The following ZDHHC15 variants were observed in gnomAD, a reference collection of about 807,000 sequenced individuals.
The protein encoded by ZDHHC15 is zDHHC palmitoyltransferase 15.
Under a neutral mutation model 31.7 loss-of-function variants are expected in ZDHHC15, and 19 were observed. The ratio of observed to expected loss-of-function variants is 0.60; its 90% CI spans 0.42 to 0.88. The LOEUF (loss-of-function observed/expected upper bound fraction) is 0.88, where lower values mean the gene tolerates loss of function less well. Ranked by LOEUF, ZDHHC15 falls within the 40% of genes least tolerant of loss-of-function variation. The probability of loss-of-function intolerance (pLI) is 0.00; values close to 1 mark genes in which losing one functional copy is unlikely to be tolerated. For synonymous variants in ZDHHC15, 103 were observed against 90.0 expected, an observed-to-expected ratio of 1.14 and a Z score of -0.82; for missense variants, 209 against 251.2, an observed-to-expected ratio of 0.83 and a Z score of 1.14.
intron 3 of ZDHHC15, among the ~76,000 whole-genome samples, chrX:75,458,699 T>C (rs2084263154): frequency 9.1e-6 from 1 of 109,899 alleles, no homozygotes; most frequent in African/African-American, 3.3e-5. Flanking sequence ...TGGTGTACCA[T>C]AGGCAATTAA....
At position 75,489,278 on chromosome X, in the gene ZDHHC15, C is replaced by T. The variant is rs189337484; in HGVS notation, c.164-10293G>A. 5.0e-3 allele frequency among the ~76,000 whole-genome samples: 559 copies of T among 112,055 alleles called. 4 individuals are homozygous for T. Among genetic ancestry groups the T allele is most frequent in the Middle Eastern group, 0.014 (3 of 217 alleles). ...CAGCACGCAGATGGAGATCTGAGAA[C>T]GGACAGACTGCCTCCTCAAGTGGGT... On this transcript the variant is annotated intron_variant, in intron 2 of 11. Coordinates refer to ENST00000373367, the MANE Select transcript of ZDHHC15 (RefSeq NM_144969.3).
At chrX:75,459,124 G>A (rs1396743025) in intron 3 of ZDHHC15, among the ~76,000 whole-genome samples, 1 of 109,265 alleles carries the variant, frequency 9.2e-6, no homozygotes, top group East Asian at 2.9e-4. Flanking sequence ...GTGATCCCAT[G>A]CCACCAGGGC....
intron 3 of ZDHHC15, among the ~76,000 whole-genome samples, chrX:75,463,979 C>A (rs184758715): frequency 9.0e-6 from 1 of 111,636 alleles, no homozygotes; most frequent in African/African-American, 3.3e-5. Context: ...TAAAGACACA[C>A]GCACGCGTAT....
chrX:75,414,577 C>T (rs1306338100), intron 10 of ZDHHC15, among the ~76,000 whole-genome samples: 5 of 96,941 alleles, frequency 5.2e-5, no homozygotes, highest in African/African-American at 1.9e-4. Context: ...CTACAGGTGC[C>T]CGCAACCACG....
intron 2 of ZDHHC15, among the ~76,000 whole-genome samples, chrX:75,492,445 C>T (rs2084914380): frequency 9.0e-6 from 1 of 111,478 alleles, no homozygotes; most frequent in African/African-American, 3.3e-5. Flanking sequence ...TAGACATCTA[C>T]AGAACTCTCC....
chrX:75,427,739 T>C (rs1236160795), intron 7 of ZDHHC15, among the ~76,000 whole-genome samples: 1 of 111,659 alleles, frequency 9.0e-6, no homozygotes, highest in African/African-American at 3.2e-5. Context: ...ATGAAGCATT[T>C]TATATTTGTA....
intron 3 of ZDHHC15, among the ~76,000 whole-genome samples, chrX:75,453,790 C>T (rs2084167233): frequency 9.0e-6 from 1 of 111,552 alleles, no homozygotes; most frequent in East Asian, 2.8e-4. Flanking sequence ...ACAAAAACCA[C>T]ATGATTATCT....
intron 3 of ZDHHC15, among the ~76,000 whole-genome samples, chrX:75,455,016 A>C (rs1160675923): frequency 9.0e-6 from 1 of 111,388 alleles, no homozygotes; most frequent in Admixed American, 9.6e-5. Context: ...GGAAAAAACT[A>C]CTTTAAAGTT....
chrX:75,435,287 A>T lies in ZDHHC15; in HGVS notation c.380-3767T>A, dbSNP rs1417357097. Among the ~76,000 whole-genome samples the T allele has an allele frequency of 2.7e-5, 3 of 111,694 alleles. No homozygotes were observed. In the East Asian group the frequency reaches 8.4e-4, roughly 31 times the overall value. On this transcript the variant is annotated intron_variant, in intron 4 of 11. Transcript: ENST00000373367. ...AGGTATATGATCACATTATCAGCAAACAGTGACTGTTTGACTTCCTCTTTA... is the reference window on the plus strand; with the variant it reads ...AGGTATATGATCACATTATCAGCAATCAGTGACTGTTTGACTTCCTCTTTA...
chrX:75,485,785 C>T (rs771463426), intron 2 of ZDHHC15, among the ~76,000 whole-genome samples: 2 of 112,604 alleles, frequency 1.8e-5, no homozygotes, highest in Admixed American at 9.4e-5. Flanking sequence ...ATCCGTAACT[C>T]TGTAGTGACT....
At chrX:75,458,020 A>C (rs770117844) in intron 3 of ZDHHC15, among the ~76,000 whole-genome samples, 3 of 111,479 alleles carry the variant, frequency 2.7e-5, no homozygotes, top group Non-Finnish European at 3.8e-5. Flanking sequence ...ATGCCAAAAG[A>C]CATGTACAAG....
At chrX:75,375,272 T>C (rs1475255292) in intron 11 of ZDHHC15, among the ~76,000 whole-genome samples, 1 of 112,046 alleles carries the variant, frequency 8.9e-6, no homozygotes, top group African/African-American at 3.2e-5. Context: ...ACTTAATAGA[T>C]AAAAATTAGT....
chrX:75,491,641 GA>G (rs995672267), intron 2 of ZDHHC15, among the ~76,000 whole-genome samples: 5 of 109,366 alleles, frequency 4.6e-5, no homozygotes, highest in African/African-American at 9.9e-5. Context: ...TAAAATAAAA[GA>G]AAAAAAAGAA....
chrX:75,423,528 G>T (rs969577193), intron 8 of ZDHHC15, among the ~76,000 whole-genome samples: 2 of 103,532 alleles, frequency 1.9e-5, no homozygotes, highest in African/African-American at 7.1e-5. Context: ...ACAGGATCTC[G>T]TTCTTTGTTA....
intron 10 of ZDHHC15, among the ~76,000 whole-genome samples, chrX:75,401,091 G>A (rs1044983805): frequency 3.6e-5 from 4 of 110,658 alleles, no homozygotes; most frequent in Non-Finnish European, 7.6e-5. Flanking sequence ...CACTGAGGCT[G>A]GACTCCAGAT....
At chrX:75,392,437 C>G (rs183465302) in intron 10 of ZDHHC15, among the ~76,000 whole-genome samples, 1,554 of 111,926 alleles carry the variant, frequency 0.014, 19 homozygotes, top group African/African-American at 0.048. Context: ...AACACTGTCA[C>G]ATAAATACCC....
rs374227889 is a variant in ZDHHC15 at position 75,491,348 on chromosome X, T to C, written c.164-12363A>G. Among the ~76,000 whole-genome samples, 28 of 107,804 alleles carry C rather than the reference T, an allele frequency of 2.6e-4. 1 individual carries two copies. In the East Asian group the frequency reaches 5.3e-3, roughly 20 times the overall value. 93.6% of individuals were successfully genotyped at this position (107,804 alleles called of 115,157 possible). Reference sequence around the variant, plus strand: ...GTAGGGACATGGATGAAATTGGAAATCATCATTCTCAGTAAACTATCGCAA... The same window carrying C: ...GTAGGGACATGGATGAAATTGGAAACCATCATTCTCAGTAAACTATCGCAA... On this transcript the variant is annotated intron_variant, in intron 2 of 11. Coordinates refer to ENST00000373367, the MANE Select transcript of ZDHHC15 (RefSeq NM_144969.3).
Position 75,494,032 on chromosome X carries a change from C to T in ZDHHC15, c.163+11789G>A, listed in dbSNP as rs145757375. On this transcript the variant is annotated intron_variant, in intron 2 of 11. Transcript: ENST00000373367. Reference sequence around the variant, plus strand: ...ATGACAGGATTGTATATCTAGAAAACCCTATCATCTCAGGCCAAAATCTCC... The same window carrying T: ...ATGACAGGATTGTATATCTAGAAAATCCTATCATCTCAGGCCAAAATCTCC... Among the ~76,000 whole-genome samples the T allele has an allele frequency of 4.5e-3, 499 of 111,451 alleles. 1 individual carries two copies. The highest frequency in any genetic ancestry group is 0.016 in the African/African-American group (481 of 30,657).
At chrX:75,496,027 G>T (rs1261889035) in intron 2 of ZDHHC15, among the ~76,000 whole-genome samples, 1 of 109,975 alleles carries the variant, frequency 9.1e-6, no homozygotes, top group African/African-American at 3.3e-5. Flanking sequence ...GAATATAAAT[G>T]GCCTAAATAA....
Sources: allele counts gnomAD v4.1 joint callset (sites outside exome capture counted in the v4.1 genomes callset), GRCh38; gene constraint gnomAD v4.1.1; transcripts MANE v1.5; gene names NCBI Gene and HGNC (gene_info 2026-07-23, HGNC 2026-07-21).